The following PLPP1 variants were observed in gnomAD, a reference collection of about 807,000 sequenced individuals.
PLPP1 encodes phospholipid phosphatase 1, also known as lipid phosphate phosphohydrolase 1a.
In PLPP1, 24 loss-of-function variants were observed where a neutral mutation model predicts 31.2. The ratio of observed to expected loss-of-function variants is 0.77; its 90% CI spans 0.56 to 1.08. The LOEUF is 1.08. PLPP1 is among the 50% of genes least tolerant of loss of function. The probability of loss-of-function intolerance (pLI) is 0.00; values close to 1 mark genes in which losing one functional copy is unlikely to be tolerated. For synonymous variants in PLPP1, 146 were observed against 126.3 expected, an observed-to-expected ratio of 1.16 and a Z score of -1.05; for missense variants, 319 against 342.7, an observed-to-expected ratio of 0.93 and a Z score of 0.55.
At chr5:55,500,614 T>A (rs1380409492) in intron 1 of PLPP1, among the ~76,000 whole-genome samples, 1 of 147,988 alleles carries the variant, frequency 6.8e-6, no homozygotes, top group Non-Finnish European at 1.5e-5. Flanking sequence ...ACCAAAATCA[T>A]CACATTTGAA....
intron 1 of PLPP1, among the ~76,000 whole-genome samples, chr5:55,480,677 T>C (rs1160481650): frequency 1.3e-5 from 2 of 152,210 alleles, no homozygotes; most frequent in Non-Finnish European, 2.9e-5. Flanking sequence ...CACATTTGGT[T>C]TACCCACTCA....
chr5:55,479,236 A>G (rs1398272419), intron 1 of PLPP1, among the ~76,000 whole-genome samples: 2 of 152,168 alleles, frequency 1.3e-5, no homozygotes, highest in Non-Finnish European at 2.9e-5. Flanking sequence ...CATGTTGGCC[A>G]GGCTAGTCTC....
chr5:55,517,449 T>G (rs1282104182), intron 1 of PLPP1, among the ~76,000 whole-genome samples: 1 of 152,090 alleles, frequency 6.6e-6, no homozygotes, highest in African/African-American at 2.4e-5. Flanking sequence ...TGCCCACCCC[T>G]GCCTCCCAAA....
intron 3 of PLPP1, among the ~76,000 whole-genome samples, chr5:55,457,026 GGT>G (rs1752029654): frequency 6.6e-6 from 1 of 152,012 alleles, no homozygotes. Flanking sequence ...CGGGGAGGGT[GGT>G]GCAGGCCTGT....
chr5:55,474,787 G>C (rs1752499926), intron 2 of PLPP1, among the ~76,000 whole-genome samples: 1 of 152,150 alleles, frequency 6.6e-6, no homozygotes. Context: ...TATGTATAAA[G>C]TATGCTAGAA....
intron 4 of PLPP1, among the ~76,000 whole-genome samples, chr5:55,431,251 T>C (rs1751340664): frequency 6.6e-6 from 1 of 152,198 alleles, no homozygotes; most frequent in African/African-American, 2.4e-5. Context: ...CATGGCATAT[T>C]ACAGTCAAAC....
chr5:55,526,931 CAA>C (rs34267008), intron 1 of PLPP1, among the ~76,000 whole-genome samples: 1 of 75,524 alleles, frequency 1.3e-5, no homozygotes, highest in Non-Finnish European at 2.3e-5. Flanking sequence ...GATTCCATCT[CAA>C]AAAAAAAAAA....
At chr5:55,446,980 C>T (rs2111726598) in intron 3 of PLPP1, among the ~76,000 whole-genome samples, 1 of 152,308 alleles carries the variant, frequency 6.6e-6, no homozygotes, top group East Asian at 1.9e-4. Context: ...GGATCTACAG[C>T]ACTAACTGAC....
intron 3 of PLPP1, among the ~76,000 whole-genome samples, chr5:55,443,212 T>TACACAC (rs960914383): frequency 5.7e-5 from 6 of 105,004 alleles, no homozygotes; most frequent in African/African-American, 2.3e-4. Flanking sequence ...TATATATATA[T>TACACAC]ACACACACAC....
intron 1 of PLPP1, among the ~76,000 whole-genome samples, chr5:55,511,733 T>A (rs929943918): frequency 7.1e-6 from 1 of 141,146 alleles, no homozygotes; most frequent in African/African-American, 2.6e-5. Context: ...GCGCGATCTC[T>A]GCTCACTGCA....
At position 55,425,860 on chromosome 5, in the gene PLPP1, T is replaced by A; in HGVS notation, c.726+3A>T. On this transcript the variant is annotated splice_donor_region_variant and intron_variant, in intron 5 of 5. Transcript: ENST00000307259. ...GATGTAGGCTGTTGACCTGTATACT[T>A]ACAACTAATATTGCAACCAGAGCTC... 1 of 1,599,464 alleles carries A rather than the reference T, an allele frequency of 6.3e-7. No homozygotes were observed. Among genetic ancestry groups the A allele is most frequent in the Middle Eastern group, 1.7e-4 (1 of 5,984 alleles).
intron 3 of PLPP1, among the ~76,000 whole-genome samples, chr5:55,448,495 T>C (rs888484745): frequency 2.1e-5 from 3 of 143,540 alleles, no homozygotes; most frequent in African/African-American, 7.8e-5. Context: ...TCGCCCAGGC[T>C]GGAGTGCCGT....
intron 1 of PLPP1, among the ~76,000 whole-genome samples, chr5:55,519,618 T>G (rs1753621339): frequency 6.6e-6 from 1 of 151,826 alleles, no homozygotes; most frequent in Admixed American, 6.6e-5. Flanking sequence ...GGCATGGTGG[T>G]GAGCACCTGT....
chr5:55,492,444 A>G (rs529511351), intron 1 of PLPP1, among the ~76,000 whole-genome samples: 3 of 152,322 alleles, frequency 2.0e-5, no homozygotes, highest in African/African-American at 7.2e-5. Flanking sequence ...TAGGAATATA[A>G]TTACTAAAAT....
chr5:55,504,524 CAAAAAAAAAAAAAA>C (rs70995703), intron 1 of PLPP1, among the ~76,000 whole-genome samples: 11 of 54,286 alleles, frequency 2.0e-4, no homozygotes, highest in Non-Finnish European at 3.5e-4. Flanking sequence ...GACTCCATCT[CAAAAAAAAAAAAAA>C]AAAAAAAAAA....
chr5:55,524,265 A>C (rs1000131458), intron 1 of PLPP1, among the ~76,000 whole-genome samples: 1 of 150,928 alleles, frequency 6.6e-6, no homozygotes. Context: ...CAATGAGCTT[A>C]AAAAAAAATT....
At chr5:55,469,050 T>C (rs1408884687) in intron 2 of PLPP1, among the ~76,000 whole-genome samples, 2 of 152,170 alleles carry the variant, frequency 1.3e-5, no homozygotes, top group African/African-American at 4.8e-5. Flanking sequence ...TAGTCACTAA[T>C]TTAAAAGTAT....
At chr5:55,493,912 G>A (rs888056390) in intron 1 of PLPP1, among the ~76,000 whole-genome samples, 1 of 151,672 alleles carries the variant, frequency 6.6e-6, no homozygotes, top group African/African-American at 2.4e-5. Flanking sequence ...TGGTCATAGT[G>A]GCACACACCT....
At chr5:55,475,122 T>G (rs921937730) in intron 2 of PLPP1, among the ~76,000 whole-genome samples, 177 bp downstream of exon 2, 1 of 152,192 alleles carries the variant, frequency 6.6e-6, no homozygotes, top group Non-Finnish European at 1.5e-5. Context: ...TACACATTGT[T>G]ATTTTTTGAC....
Sources: allele counts gnomAD v4.1 joint callset (sites outside exome capture counted in the v4.1 genomes callset), GRCh38; gene constraint gnomAD v4.1.1; transcripts MANE v1.5; gene names NCBI Gene and HGNC (gene_info 2026-07-23, HGNC 2026-07-21).